Variants in AMZ2 observed in about 807,000 individuals in gnomAD.
AMZ2 encodes the protein archaemetzincin-2.
AMZ2 carries 26 observed loss-of-function variants against 36.7 expected under a neutral mutation model. The observed-to-expected ratio is 0.71, with a 90% CI of 0.52 to 0.98. The LOEUF (loss-of-function observed/expected upper bound fraction) is 0.98, where lower values mean the gene tolerates loss of function less well. AMZ2 is among the 50% of genes least tolerant of loss of function. The probability of loss-of-function intolerance (pLI) is 0.00; values close to 1 mark genes in which losing one functional copy is unlikely to be tolerated. For missense variants in AMZ2, 394 were observed against 430.5 expected (o/e 0.92, Z 0.75); for synonymous variants, 144 against 149.1 (o/e 0.97, Z 0.25).
chr17:68,209,449 C>T (rs1555725190), intron 1 of AMZ2, among the ~76,000 whole-genome samples: 2 of 151,776 alleles, frequency 1.3e-5, no homozygotes, highest in African/African-American at 2.4e-5. Flanking sequence ...CTGCCTCTGC[C>T]TCCCAAAGTG....
rs368324593 is a variant in AMZ2, at chr17:68,206,428, A to C, written c.-67+190A>C. 933 of 382,694 alleles carry C rather than the reference A, an allele frequency of 2.4e-3. 2 individuals carry two copies. Among genetic ancestry groups the C allele is most frequent in the Admixed American group, 6.2e-3 (110 of 17,776 alleles). The allele number at this position is 382,694 out of a possible 1,614,324, so 23.7% of individuals were successfully genotyped here. A position where few individuals can be genotyped will look rare whatever the true frequency, so the allele number is the denominator to read the frequency against. On this transcript the variant is annotated intron_variant, in intron 1 of 7. Coordinates refer to the AMZ2 transcript ENST00000674770. The stretch of plus-strand genomic sequence containing the variant: ...TACAAGAGGAAAGAGGCGCATTGTT[A>C]AAAATGGAGATTGCATTGTTGCAGT...
At chr17:68,256,654 G>A (rs2074927286) in intron 6 of AMZ2, among the ~76,000 whole-genome samples, 160 bp from the exon 7 acceptor site, 1 of 152,178 alleles carries the variant, frequency 6.6e-6, no homozygotes, top group African/African-American at 2.4e-5. Context: ...ATTTCACTCA[G>A]TATATCATTA....
intron 1 of AMZ2, among the ~76,000 whole-genome samples, chr17:68,238,329 G>A (rs1309880230): frequency 6.6e-6 from 1 of 152,060 alleles, no homozygotes; most frequent in Non-Finnish European, 1.5e-5. Flanking sequence ...TTACAGGCTT[G>A]AGTCACTATA....
intron 1 of AMZ2, among the ~76,000 whole-genome samples, chr17:68,230,380 C>A (rs1166727353): frequency 6.6e-6 from 1 of 152,196 alleles, no homozygotes; most frequent in African/African-American, 2.4e-5. Context: ...GGCCTCCTGC[C>A]CTGTTCTTCA....
At chr17:68,207,571 G>A (rs1243631538) in intron 1 of AMZ2, 2 of 152,220 alleles carry the variant, frequency 1.3e-5, no homozygotes, top group Non-Finnish European at 2.9e-5. Context: ...TGTAGTAGAA[G>A]TGGTTAACTT....
At chr17:68,221,230 A>G (rs2073357432) in intron 1 of AMZ2, among the ~76,000 whole-genome samples, 1 of 46,116 alleles carries the variant, frequency 2.2e-5, no homozygotes, top group Admixed American at 2.8e-4. Context: ...CCCCCCCGGT[A>G]GCTAGGACCC....
chr17:68,227,495 A>G (rs1440439279), intron 1 of AMZ2, among the ~76,000 whole-genome samples: 2 of 152,246 alleles, frequency 1.3e-5, no homozygotes, highest in African/African-American at 4.8e-5. Flanking sequence ...CCAGAAGTCT[A>G]AACTCCTTAC....
rs571646607 is a variant in AMZ2 at position 68,213,359 on chromosome 17, G to A, written c.-67+7121G>A. ...AAAATGGGGAGAATAAAACAAACTG[G>A]GCAGAGGGATGGGCTACTTTGCGTC... On this transcript the variant is annotated intron_variant, in intron 1 of 7. Coordinates refer to the AMZ2 transcript ENST00000674770. Among the ~76,000 whole-genome samples the A allele has an allele frequency of 3.3e-5, 5 of 152,300 alleles. No individual in the cohort carries two copies. In the South Asian group the frequency reaches 1.0e-3, roughly 32 times the overall value.
Position 68,250,416 on chromosome 17 carries a change from C to G in AMZ2, c.229C>G (p.Pro77Ala), listed in dbSNP as rs782668891. The G allele has an allele frequency of 3.1e-6, 5 of 1,614,168 alleles. No homozygotes were observed. In the Admixed American group the frequency reaches 8.3e-5, roughly 27 times the overall value. The change falls in exon 2 of 7, where the codon CCT becomes GCT. Residue 77 changes from proline to alanine, a missense_variant. By Grantham distance (27) the Pro-to-Ala change is conservative (BLOSUM62 -1). Coordinates refer to ENST00000359904, the MANE Select transcript of AMZ2 (RefSeq NM_016627.5). The part of the protein sequence containing the change: ...PQDFEQFFSD[P>A]YRKTPSPNKR... ...AGACTTTGAACAGTTCTTCAGTGAT[C>G]CTTACAGAAAGACACCCTCTCCAAA... is the stretch of plus-strand genomic sequence containing the variant.
At chr17:68,221,264 C>CTATTTATT (rs3056036) in intron 1 of AMZ2, among the ~76,000 whole-genome samples, 1 of 134,464 alleles carries the variant, frequency 7.4e-6, no homozygotes, top group African/African-American at 2.8e-5. Flanking sequence ...CCGTGCCCAA[C>CTATTTATT]TATTTATTTA....
intron 1 of AMZ2, among the ~76,000 whole-genome samples, chr17:68,228,883 C>T (rs1451432312): frequency 3.9e-5 from 6 of 152,234 alleles, no homozygotes; most frequent in African/African-American, 1.2e-4. Flanking sequence ...CTGCTGCTTC[C>T]GCGTGTGCTG....
chr17:68,250,607 G>T, intron 2 of AMZ2, 137 bp downstream of exon 2: 1 of 1,282,224 alleles, frequency 7.8e-7, no homozygotes, highest in Admixed American at 2.4e-5. Flanking sequence ...TACAAGTTTT[G>T]TAGCCAAACT....
At position 68,211,758 on chromosome 17, in the gene AMZ2, ATG is replaced by A. The variant is rs1555726038; in HGVS notation, c.-67+5522_-67+5523del. On this transcript the variant is annotated intron_variant, in intron 1 of 7. Coordinates refer to the AMZ2 transcript ENST00000674770. The stretch of plus-strand genomic sequence containing the variant: ...TATATGTGTATATGTATATATGTAT[ATG>A]TATATATGTGTATATGTATATATGT... Among the ~76,000 whole-genome samples, 237 of 128,242 alleles carry A rather than the reference ATG, an allele frequency of 1.8e-3. 1 individual carries two copies. The highest frequency in any genetic ancestry group is 6.7e-3 in the African/African-American group (217 of 32,578). 84.1% of individuals were successfully genotyped at this position (128,242 alleles called of 152,430 possible).
intron 1 of AMZ2, among the ~76,000 whole-genome samples, chr17:68,232,659 A>G (rs2073693396): frequency 6.6e-6 from 1 of 152,036 alleles, no homozygotes; most frequent in South Asian, 2.1e-4. Context: ...CCTGGCCAAC[A>G]TGGCGAAACC....
At chr17:68,236,081 C>T (rs558987710) in intron 1 of AMZ2, among the ~76,000 whole-genome samples, 8 of 152,068 alleles carry the variant, frequency 5.3e-5, no homozygotes, top group South Asian at 2.1e-4. Flanking sequence ...CCACCCGCCT[C>T]GGCCTCCCAA....
chr17:68,220,805 G>A lies in AMZ2; in HGVS notation c.-67+14567G>A, dbSNP rs559509078. On this transcript the variant is annotated intron_variant, in intron 1 of 7. Coordinates refer to the AMZ2 transcript ENST00000674770. Reference sequence around the variant, plus strand: ...CTCTTTTTTTTTTTTTTTTGAGACAGGGTCTCAATCTGTCTCGCCCAGGCT... The same window carrying A: ...CTCTTTTTTTTTTTTTTTTGAGACAAGGTCTCAATCTGTCTCGCCCAGGCT... Among the ~76,000 whole-genome samples, 234 of 136,186 alleles carry A rather than the reference G, an allele frequency of 1.7e-3. 1 individual carries two copies. The highest frequency in any genetic ancestry group is 5.9e-3 in the African/African-American group (228 of 38,758). The allele number at this position is 136,186 out of a possible 152,430, so 89.3% of individuals were successfully genotyped here. A position where few individuals can be genotyped will look rare whatever the true frequency, so the allele number is the denominator to read the frequency against.
chr17:68,225,445 A>G (rs1555729656), intron 1 of AMZ2, among the ~76,000 whole-genome samples: 1 of 152,146 alleles, frequency 6.6e-6, no homozygotes, highest in Admixed American at 6.6e-5. Flanking sequence ...TCCATACCCA[A>G]CAGAATTCAG....
chr17:68,223,885 T>TTTATAC (rs1246922272), intron 1 of AMZ2, among the ~76,000 whole-genome samples: 2 of 91,470 alleles, frequency 2.2e-5, no homozygotes, highest in Non-Finnish European at 4.4e-5. Flanking sequence ...CCAGCTAATT[T>TTTATAC]ATATATATAT....
chr17:68,254,414 A>G lies in AMZ2; in HGVS notation c.597A>G (p.Ile199Met), dbSNP rs1173182207. The change falls in exon 5 of 7, where the codon ATA becomes ATG. Residue 199 changes from isoleucine to methionine, a missense_variant. Ile to Met is a conservative substitution (Grantham distance 10). Coordinates refer to ENST00000359904, the MANE Select transcript of AMZ2 (RefSeq NM_016627.5). ...GQASLTDGVG[I>M]FSFARYGSDF... is the part of the protein sequence containing the mutation. Reference sequence around the variant, plus strand: ...GTCCTTTTTTTGTAGGTGTGGGGATATTCAGCTTTGCCAGGTATGGCAGTG... The same window carrying G: ...GTCCTTTTTTTGTAGGTGTGGGGATGTTCAGCTTTGCCAGGTATGGCAGTG... The G allele has an allele frequency of 6.2e-7, 1 of 1,612,148 alleles. No homozygotes were observed. The highest frequency in any genetic ancestry group is 8.5e-7 in the Non-Finnish European group (1 of 1,179,710).
Sources: gnomAD v4.1 joint callset for allele counts (sites outside exome capture counted in the v4.1 genomes callset) on GRCh38, gnomAD v4.1.1 for gene constraint, MANE v1.5 for transcripts, NCBI Gene and HGNC (gene_info 2026-07-23, HGNC 2026-07-21) for gene names.